The following MS4A12 variants were observed in gnomAD, a reference collection of about 807,000 sequenced individuals.
The protein encoded by MS4A12 is membrane spanning 4-domains A12.
Under a neutral mutation model 23.7 loss-of-function variants are expected in MS4A12, and 28 were observed. That is an observed-to-expected ratio of 1.18 (90% CI 0.88 to 1.62). The LOEUF is 1.62. Ranked by LOEUF, MS4A12 falls within the 40% of genes most tolerant of loss-of-function variation. MS4A12 has a pLI of 0.00. For synonymous variants in MS4A12, 108 were observed against 110.1 expected, an observed-to-expected ratio of 0.98 and a Z score of 0.12; for missense variants, 342 against 327.0, an observed-to-expected ratio of 1.05 and a Z score of -0.35.
intron 2 of MS4A12, 43 bp downstream of exon 2, chr11:60,497,637 G>A (rs1162625402): frequency 4.4e-6 from 7 of 1,593,574 alleles, no homozygotes; most frequent in Non-Finnish European, 6.0e-6. Context: ...ACATTTGCAA[G>A]GTCTTCTTAT....
At chr11:60,502,190 G>T (rs1033708673) in intron 4 of MS4A12, 151 bp downstream of exon 4, 27 of 735,214 alleles carry the variant, frequency 3.7e-5, no homozygotes, top group Non-Finnish European at 5.7e-5. Flanking sequence ...GAGCGCTGGG[G>T]TGAGAAAATG....
At chr11:60,496,983 A>G (rs2086491812) in intron 1 of MS4A12, among the ~76,000 whole-genome samples, 1 of 152,214 alleles carries the variant, frequency 6.6e-6, no homozygotes, top group Non-Finnish European at 1.5e-5. Flanking sequence ...CTAGATCCCC[A>G]ACATGTGCAG....
chr11:60,501,597 C>T (rs539181721), intron 3 of MS4A12, among the ~76,000 whole-genome samples: 23 of 152,010 alleles, frequency 1.5e-4, no homozygotes, highest in East Asian at 9.7e-4. Context: ...GATTGTAGTC[C>T]CAGCTACTTG....
intron 6 of MS4A12, 57 bp from the exon 7 acceptor site, chr11:60,506,963 G>T (rs1292562422): frequency 1.5e-5 from 23 of 1,541,708 alleles, no homozygotes; most frequent in Non-Finnish European, 2.0e-5. Flanking sequence ...ATGGTACCAG[G>T]GGAAATTGCA....
chr11:60,496,365 A>G (rs912046318), intron 1 of MS4A12, among the ~76,000 whole-genome samples: 5 of 152,172 alleles, frequency 3.3e-5, no homozygotes, highest in Admixed American at 2.0e-4. Context: ...AAGTGTCATA[A>G]TTTTTTTCAA....
At chr11:60,497,277 T>TA in intron 1 of MS4A12, 36 bp from the exon 2 acceptor site, 1 of 1,555,474 alleles carries the variant, frequency 6.4e-7, no homozygotes, top group East Asian at 2.2e-5. Flanking sequence ...CTTTTCTGGA[T>TA]AAACGTATCA....
chr11:60,495,839 C>T (rs533098565), intron 1 of MS4A12, among the ~76,000 whole-genome samples: 4 of 152,246 alleles, frequency 2.6e-5, no homozygotes, highest in South Asian at 2.1e-4. Flanking sequence ...GAAGTTAATC[C>T]GGTTTATAAA....
intron 5 of MS4A12, among the ~76,000 whole-genome samples, chr11:60,506,225 A>T (rs1057209985): frequency 2.0e-5 from 3 of 152,224 alleles, no homozygotes; most frequent in South Asian, 2.1e-4. Flanking sequence ...AAATAACATG[A>T]TTCCATTCTT....
chr11:60,500,654 T>A (rs2086523555), intron 2 of MS4A12, among the ~76,000 whole-genome samples: 1 of 152,254 alleles, frequency 6.6e-6, no homozygotes, highest in Non-Finnish European at 1.5e-5. Flanking sequence ...TACCCGTAAC[T>A]GGGATGACCC....
chr11:60,502,715 G>T (rs2086540536), intron 4 of MS4A12, among the ~76,000 whole-genome samples: 1 of 152,192 alleles, frequency 6.6e-6, no homozygotes, highest in Non-Finnish European at 1.5e-5. Context: ...TCCAGTACAA[G>T]AAAGAAGAAC....
intron 2 of MS4A12, chr11:60,497,837 C>G (rs976570705): frequency 4.2e-6 from 2 of 471,018 alleles, no homozygotes; most frequent in African/African-American, 3.9e-5. Context: ...ATTGACGTGA[C>G]AGAAGCACTG....
intron 5 of MS4A12, among the ~76,000 whole-genome samples, chr11:60,505,376 T>A (rs2086562229): frequency 6.6e-6 from 1 of 152,052 alleles, no homozygotes; most frequent in Non-Finnish European, 1.5e-5. Flanking sequence ...TTATGGGAGC[T>A]ACAAGATGAG....
intron 2 of MS4A12, chr11:60,497,955 C>A: frequency 5.3e-6 from 1 of 188,238 alleles, no homozygotes. Context: ...ATTTACATAA[C>A]AATGAACAAT....
At chr11:60,500,173 G>A (rs1197164404) in intron 2 of MS4A12, among the ~76,000 whole-genome samples, 2 of 151,210 alleles carry the variant, frequency 1.3e-5, no homozygotes, top group East Asian at 1.9e-4. Context: ...CCCGGGAGGC[G>A]GAGCTTGCAG....
At chr11:60,505,960 G>C (rs1020192303) in intron 5 of MS4A12, among the ~76,000 whole-genome samples, 1 of 152,182 alleles carries the variant, frequency 6.6e-6, no homozygotes, top group African/African-American at 2.4e-5. Context: ...AAAAAGTGAA[G>C]TCCATCCTCG....
intron 2 of MS4A12, among the ~76,000 whole-genome samples, chr11:60,498,453 G>C (rs1040360312): frequency 6.6e-6 from 1 of 152,116 alleles, no homozygotes; most frequent in Non-Finnish European, 1.5e-5. Flanking sequence ...TGTGGAGGTG[G>C]CCCTTCTGAT....
chr11:60,493,376 T>TAAA (rs59628484), intron 1 of MS4A12, among the ~76,000 whole-genome samples: 37 of 135,046 alleles, frequency 2.7e-4, no homozygotes, highest in African/African-American at 9.4e-4. Context: ...AACTCCATCT[T>TAAA]AAAAAAAAAA....
chr11:60,505,641 G>A (rs947008627), intron 5 of MS4A12, among the ~76,000 whole-genome samples: 2 of 152,068 alleles, frequency 1.3e-5, no homozygotes, highest in Admixed American at 6.5e-5. Context: ...AAACAAAACT[G>A]AGGAAAGAAG....
At chr11:60,495,986 G>A (rs938144750) in intron 1 of MS4A12, among the ~76,000 whole-genome samples, 1 of 152,170 alleles carries the variant, frequency 6.6e-6, no homozygotes, top group Non-Finnish European at 1.5e-5. Context: ...GGGGGATTCT[G>A]AACCAACAGC....
Sources: gnomAD v4.1 joint callset for allele counts (sites outside exome capture counted in the v4.1 genomes callset) on GRCh38, gnomAD v4.1.1 for gene constraint, MANE v1.5 for transcripts, NCBI Gene and HGNC (gene_info 2026-07-23, HGNC 2026-07-21) for gene names.